PAQR8: variants seen among roughly 807,000 people sequenced by gnomAD.
The protein encoded by PAQR8 is membrane progestin receptor beta.
A neutral mutation model predicts 25.2 loss-of-function variants in PAQR8; 17 were observed. That is an observed-to-expected ratio of 0.67 (90% CI 0.46 to 1.01). The LOEUF is 1.01. PAQR8 is among the 50% of genes least tolerant of loss of function. PAQR8 has a pLI of 0.00. For missense variants in PAQR8, 392 were observed against 448.4 expected (o/e 0.87, Z 1.14); for synonymous variants, 204 against 190.6 (o/e 1.07, Z -0.58).
At chr6:52,373,814 A>G (rs906968319) in intron 1 of PAQR8, among the ~76,000 whole-genome samples, 1 of 152,108 alleles carries the variant, frequency 6.6e-6, no homozygotes, top group African/African-American at 2.4e-5. Flanking sequence ...CAAGTAAATA[A>G]ATCGTATTGA....
intron 1 of PAQR8, among the ~76,000 whole-genome samples, chr6:52,363,019 G>A (rs540095719): frequency 6.6e-6 from 1 of 152,118 alleles, no homozygotes; most frequent in Non-Finnish European, 1.5e-5. Context: ...CGCTGGGAAC[G>A]TCTGTCTAGG....
At position 52,399,461 on chromosome 6, in the gene PAQR8, G is replaced by A. The variant is rs1013028928; in HGVS notation, c.-52-3701G>A. On this transcript the variant is annotated intron_variant, in intron 1 of 1. Coordinates refer to ENST00000442253, the MANE Select transcript of PAQR8 (RefSeq NM_133367.5). ...TTTTAGTCTTTAGAAATTCAGTTGA[G>A]TTGTCAGTTTATAAGAACCTGCTAT... 2.0e-5 allele frequency among the ~76,000 whole-genome samples: 3 copies of A among 152,272 alleles called. No homozygotes were observed. The South Asian group carries it at 6.2e-4, about 32-fold the overall frequency.
chr6:52,385,103 G>A (rs1398342194), intron 1 of PAQR8, among the ~76,000 whole-genome samples: 1 of 152,152 alleles, frequency 6.6e-6, no homozygotes, highest in African/African-American at 2.4e-5. Context: ...TAATGCCTAC[G>A]TGTTGTGGGA....
intron 1 of PAQR8, among the ~76,000 whole-genome samples, chr6:52,370,915 C>A (rs1763410682): frequency 6.6e-6 from 1 of 152,094 alleles, no homozygotes; most frequent in Admixed American, 6.5e-5. Context: ...TTCCCTTTTG[C>A]AATTGGGTGT....
intron 1 of PAQR8, among the ~76,000 whole-genome samples, chr6:52,399,981 T>G (rs1182222487): frequency 6.6e-6 from 1 of 152,240 alleles, no homozygotes; most frequent in Non-Finnish European, 1.5e-5. Flanking sequence ...CTCTGCTGGC[T>G]GATAGCAGAA....
rs114584506 is a variant in PAQR8 at position 52,391,615 on chromosome 6, C to T, written c.-52-11547C>T. On this transcript the variant is annotated intron_variant, in intron 1 of 1. Coordinates refer to ENST00000442253, the MANE Select transcript of PAQR8 (RefSeq NM_133367.5). ...ATGAGCCCAGAGTTCTCTCACTTAA[C>T]GACTATGGAGATCCTGAGGCATGTG... Among the ~76,000 whole-genome samples the T allele has an allele frequency of 8.0e-3, 1,213 of 152,316 alleles. 20 individuals carry two copies. The highest frequency in any genetic ancestry group is 0.027 in the African/African-American group (1,135 of 41,554).
At chr6:52,375,456 C>G (rs1763474803) in intron 1 of PAQR8, among the ~76,000 whole-genome samples, 1 of 152,190 alleles carries the variant, frequency 6.6e-6, no homozygotes, top group African/African-American at 2.4e-5. Context: ...ATTGACATTA[C>G]CACATAGATG....
chr6:52,371,712 GC>G (rs1763421417), intron 1 of PAQR8, among the ~76,000 whole-genome samples: 1 of 152,192 alleles, frequency 6.6e-6, no homozygotes, highest in Non-Finnish European at 1.5e-5. Context: ...ACATAAAATA[GC>G]TACCATGTAT....
intron 1 of PAQR8, among the ~76,000 whole-genome samples, chr6:52,400,053 T>C (rs1301087395): frequency 1.3e-5 from 2 of 152,334 alleles, no homozygotes; most frequent in East Asian, 3.9e-4. Context: ...CTAATTAGCA[T>C]TTTCTTTCTC....
chr6:52,371,036 A>G (rs754888593), intron 1 of PAQR8, among the ~76,000 whole-genome samples: 1 of 152,184 alleles, frequency 6.6e-6, no homozygotes, highest in Non-Finnish European at 1.5e-5. Flanking sequence ...AGAGATGAAC[A>G]AGGTCCCTGC....
intron 1 of PAQR8, among the ~76,000 whole-genome samples, chr6:52,388,778 CAG>C (rs1763662421): frequency 6.6e-6 from 1 of 152,180 alleles, no homozygotes; most frequent in African/African-American, 2.4e-5. Context: ...TGGACAAAGA[CAG>C]AGGGCTTAAT....
chr6:52,363,211 G>C (rs993632162), intron 1 of PAQR8, among the ~76,000 whole-genome samples: 1 of 152,144 alleles, frequency 6.6e-6, no homozygotes, highest in Non-Finnish European at 1.5e-5. Flanking sequence ...CCGGTGCGGG[G>C]ACCTGGAGGT....
intron 1 of PAQR8, among the ~76,000 whole-genome samples, chr6:52,386,032 A>G (rs1196335923): frequency 1.3e-5 from 2 of 152,232 alleles, no homozygotes; most frequent in Non-Finnish European, 2.9e-5. Flanking sequence ...AAAAGTGGGC[A>G]AAGGAAATGA....
chr6:52,399,232 A>G (rs979058815), intron 1 of PAQR8, among the ~76,000 whole-genome samples: 2 of 152,212 alleles, frequency 1.3e-5, no homozygotes, highest in Non-Finnish European at 2.9e-5. Context: ...TCCAGAAAAT[A>G]ACTTGTCAAC....
Position 52,400,565 on chromosome 6 carries a change from G to A in PAQR8, c.-52-2597G>A, listed in dbSNP as rs142150883. Among the ~76,000 whole-genome samples the A allele has an allele frequency of 6.6e-4, 100 of 152,300 alleles. No homozygotes were observed. The East Asian group carries it at 0.018, about 27-fold the overall frequency. ...AACTACAATGACTTCAGATACTCCA[G>A]GCTTTCCAAGCCCATATCTTGGCAG... On this transcript the variant is annotated intron_variant, in intron 1 of 1. Transcript: ENST00000442253.
chr6:52,371,809 T>C (rs148379135), intron 1 of PAQR8, among the ~76,000 whole-genome samples: 5 of 152,298 alleles, frequency 3.3e-5, no homozygotes, highest in African/African-American at 1.2e-4. Context: ...GAGGGAGATA[T>C]CCCAGTACAA....
In PAQR8 at chr6:52,370,984, A is replaced by G. The variant is rs77681866; in HGVS notation, c.-53+8735A>G. Among the ~76,000 whole-genome samples, 451 of 152,342 alleles carry G rather than the reference A, an allele frequency of 3.0e-3. 1 individual carries two copies. Among genetic ancestry groups the G allele is most frequent in the African/African-American group, 0.011 (442 of 41,574 alleles). On this transcript the variant is annotated intron_variant, in intron 1 of 1. Transcript: ENST00000442253. Reference sequence around the variant, plus strand: ...AAAATATTTTTCAAGGGTCTACTTTACTATATGCTTGGTTGGCAGATTTCT... The same window carrying G: ...AAAATATTTTTCAAGGGTCTACTTTGCTATATGCTTGGTTGGCAGATTTCT...
intron 1 of PAQR8, among the ~76,000 whole-genome samples, chr6:52,387,225 C>T (rs1033728945): frequency 4.6e-5 from 7 of 152,190 alleles, no homozygotes; most frequent in African/African-American, 1.7e-4. Context: ...GGATAGTGCT[C>T]CTGGGTCACT....
chr6:52,370,197 C>T (rs1164770490), intron 1 of PAQR8, among the ~76,000 whole-genome samples: 1 of 152,044 alleles, frequency 6.6e-6, no homozygotes, highest in East Asian at 1.9e-4. Flanking sequence ...GTCTTTGTCT[C>T]ATCTGGGATG....
Sources: gnomAD v4.1 joint callset for allele counts (sites outside exome capture counted in the v4.1 genomes callset) on GRCh38, gnomAD v4.1.1 for gene constraint, MANE v1.5 for transcripts, NCBI Gene and HGNC (gene_info 2026-07-23, HGNC 2026-07-21) for gene names.